The following FBXL18 variants were observed in gnomAD, a reference collection of about 807,000 sequenced individuals.
FBXL18 encodes F-box and leucine rich repeat protein 18, also known as F-box/LRR-repeat protein 18.
In FBXL18, 36 loss-of-function variants were observed where a neutral mutation model predicts 46.0. That is an observed-to-expected ratio of 0.78 (90% CI 0.60 to 1.03). FBXL18 has a LOEUF of 1.03. Among genes scored for constraint, FBXL18 ranks in the 50% least tolerant of loss-of-function variants. The probability of loss-of-function intolerance (pLI) is 0.00; values close to 1 mark genes in which losing one functional copy is unlikely to be tolerated. For synonymous variants in FBXL18, 557 were observed against 465.3 expected, an observed-to-expected ratio of 1.20 and a Z score of -2.54; for missense variants, 977 against 1,004.1, an observed-to-expected ratio of 0.97 and a Z score of 0.36.
intron 4 of FBXL18, among the ~76,000 whole-genome samples, chr7:5,484,810 TG>T (rs1783734038): frequency 6.6e-6 from 1 of 152,034 alleles, no homozygotes; most frequent in African/African-American, 2.4e-5. Context: ...GGCTAATTTT[TG>T]TATCTTTAGT....
chr7:5,458,583 A>T (rs1783203418), intron 4 of FBXL18, among the ~76,000 whole-genome samples: 1 of 151,998 alleles, frequency 6.6e-6, no homozygotes, highest in South Asian at 2.1e-4. Flanking sequence ...CTGTAATCCG[A>T]GCTACTCAAG....
intron 1 of FBXL18, among the ~76,000 whole-genome samples, chr7:5,508,027 G>A (rs1026121796): frequency 6.6e-6 from 1 of 152,096 alleles, no homozygotes; most frequent in Non-Finnish European, 1.5e-5. Context: ...CCAGCACTTT[G>A]GGAGGCCAAG....
chr7:5,486,276 G>A lies in FBXL18; in HGVS notation c.2001-4345C>T, dbSNP rs548689797. ...CAAAAAAAAAAAAAAAAAATGAGCT[G>A]GTTGTGGTGGCACATGCCTCTAATC... On this transcript the variant is annotated intron_variant, in intron 4 of 4. Transcript: ENST00000382368. Among the ~76,000 whole-genome samples, 3 of 143,266 alleles carry A rather than the reference G, an allele frequency of 2.1e-5. No homozygotes were observed. In the South Asian group the frequency reaches 6.6e-4, roughly 32 times the overall value. 94.0% of individuals were successfully genotyped at this position (143,266 alleles called of 152,430 possible).
At chr7:5,511,936 A>T (rs920381363) in intron 1 of FBXL18, among the ~76,000 whole-genome samples, 25 of 151,880 alleles carry the variant, frequency 1.6e-4, no homozygotes, top group Admixed American at 6.6e-5. Flanking sequence ...TTAAAAAGAG[A>T]AATAAAAATA....
rs1297735447 is a variant in FBXL18, at chr7:5,463,731, T to A, written c.2001-15888A>T. Among the ~76,000 whole-genome samples the A allele has an allele frequency of 3.3e-3, 177 of 53,754 alleles. 3 individuals are homozygous for A. The highest frequency in any genetic ancestry group is 0.016 in the African/African-American group (170 of 10,546). The allele number at this position is 53,754 out of a possible 152,430, so 35.3% of individuals were successfully genotyped here. A position where few individuals can be genotyped will look rare whatever the true frequency, so the allele number is the denominator to read the frequency against. On this transcript the variant is annotated intron_variant and NMD_transcript_variant, in intron 4 of 6. Transcript: ENST00000415009. ...TTATTTATTTATTTATTTATTTATT[T>A]TTTTTTTTTTTTTTTTTTTTTTTTT...
rs1784601223 is a variant in FBXL18, at chr7:5,513,705, G to A, written c.-31C>T. 6.3e-7 allele frequency: 1 copy of A among 1,595,918 alleles called. No homozygotes were observed. The highest frequency in any genetic ancestry group is 8.5e-7 in the Non-Finnish European group (1 of 1,171,682). ...CGGCGGGTCCGAACCGCGGCCGCGG[G>A]ATCCGCAACCCCGTGCCTCCCACCT... On this transcript the variant is annotated 5_prime_UTR_variant, in exon 1 of 5. Coordinates refer to ENST00000382368, the MANE Select transcript of FBXL18 (RefSeq NM_024963.6).
chr7:5,500,412 C>T lies in FBXL18; in HGVS notation c.1781+76G>A, dbSNP rs1306780928. 1.1e-5 allele frequency: 15 copies of T among 1,378,222 alleles called. No individual in the cohort carries two copies. The East Asian group carries it at 2.5e-4, about 23-fold the overall frequency. 85.4% of individuals were successfully genotyped at this position (1,378,222 alleles called of 1,614,324 possible). On this transcript the variant is annotated intron_variant, in intron 3 of 4. Coordinates refer to ENST00000382368, the MANE Select transcript of FBXL18 (RefSeq NM_024963.6). Reference sequence around the variant, plus strand: ...CACTCCTGGAGGGCAGGCCAGCCACCGAACTCCACGCGAACGCCCCAGTTC... The same window carrying T: ...CACTCCTGGAGGGCAGGCCAGCCACTGAACTCCACGCGAACGCCCCAGTTC...
At chr7:5,467,235 C>T (rs1414132298) in intron 4 of FBXL18, among the ~76,000 whole-genome samples, 2 of 152,144 alleles carry the variant, frequency 1.3e-5, no homozygotes, top group African/African-American at 2.4e-5. Flanking sequence ...CCTGTAGTCC[C>T]AGCTGCTCGG....
intron 4 of FBXL18, among the ~76,000 whole-genome samples, chr7:5,463,796 A>G (rs1292528673): frequency 3.0e-5 from 4 of 134,530 alleles, no homozygotes. Flanking sequence ...GCTTGAGTGC[A>G]GTAGTGCAGT....
intron 4 of FBXL18, among the ~76,000 whole-genome samples, chr7:5,470,591 A>G (rs754491234): frequency 8.5e-5 from 13 of 152,136 alleles, no homozygotes; most frequent in Non-Finnish European, 1.6e-4. Context: ...AGCCTTCCAC[A>G]GGGCAGGCAG....
intron 4 of FBXL18, among the ~76,000 whole-genome samples, chr7:5,469,898 ATG>A (rs1223237809): frequency 1.3e-5 from 2 of 150,354 alleles, no homozygotes; most frequent in African/African-American, 4.9e-5. Flanking sequence ...GTGCGAGGGC[ATG>A]TGTGTGGGTG....
Position 5,478,037 on chromosome 7 carries a change from G to A in FBXL18, c.*3738C>T, listed in dbSNP as rs1783557097. ...GCCTGTGGCTCTGGGTCCGGACCCA[G>A]GGTGTGGTTGAGGGAGGGCGCTGCT... On this transcript the variant is annotated 3_prime_UTR_variant, in exon 5 of 5. Coordinates refer to ENST00000382368, the MANE Select transcript of FBXL18 (RefSeq NM_024963.6). 1 of 152,394 alleles carries A rather than the reference G, an allele frequency of 6.6e-6. No individual in the cohort carries two copies. Among genetic ancestry groups the A allele is most frequent in the Admixed American group, 6.5e-5 (1 of 15,282 alleles). 9.4% of individuals were successfully genotyped at this position (152,394 alleles called of 1,614,324 possible).
At chr7:5,502,090 T>C in intron 2 of FBXL18, 59 bp from the exon 3 acceptor site, 1 of 1,280,928 alleles carries the variant, frequency 7.8e-7, no homozygotes, top group Admixed American at 2.2e-5. Flanking sequence ...CCTACGGGTC[T>C]CCAACCCTCA....
At position 5,481,658 on chromosome 7, in the gene FBXL18, G is replaced by T; in HGVS notation, c.*117C>A. The T allele has an allele frequency of 9.2e-7, 1 of 1,090,032 alleles. No homozygotes were observed. The highest frequency in any genetic ancestry group is 1.3e-6 in the Non-Finnish European group (1 of 743,462). The allele number at this position is 1,090,032 out of a possible 1,614,324, so 67.5% of individuals were successfully genotyped here. On this transcript the variant is annotated 3_prime_UTR_variant, in exon 5 of 5. Coordinates refer to ENST00000382368, the MANE Select transcript of FBXL18 (RefSeq NM_024963.6). ...CCGGGAGCCCCAGGAGCCAGGTGGG[G>T]CGTGGCTGGCCGGGAGAGAGGCCCC...
chr7:5,466,181 AG>A (rs1361979564), intron 4 of FBXL18, among the ~76,000 whole-genome samples: 1 of 151,742 alleles, frequency 6.6e-6, no homozygotes, highest in Non-Finnish European at 1.5e-5. Flanking sequence ...AAAAAAAAAA[AG>A]AAAAGAAAAG....
chr7:5,495,785 C>G (rs1235601125), intron 3 of FBXL18: 8 of 472,690 alleles, frequency 1.7e-5, no homozygotes, highest in South Asian at 1.1e-4. Flanking sequence ...GTCCGGGCTC[C>G]CTTGCCGCAG....
intron 4 of FBXL18, among the ~76,000 whole-genome samples, chr7:5,488,298 G>A (rs536813748): frequency 2.0e-5 from 3 of 152,230 alleles, no homozygotes; most frequent in Non-Finnish European, 4.4e-5. Flanking sequence ...CTGGCATCCG[G>A]TGCCACGTCC....
chr7:5,501,235 A>T lies in FBXL18; in HGVS notation c.1034T>A (p.Leu345Gln). The T allele has an allele frequency of 6.2e-7, 1 of 1,613,316 alleles. No homozygotes were observed. Among genetic ancestry groups the T allele is most frequent in the Non-Finnish European group, 8.5e-7 (1 of 1,179,844 alleles). Residue 345 changes from leucine to glutamine, a missense_variant, in exon 3 of 5, where the codon CTG (leucine) becomes CAG (glutamine). Leu to Gln is a moderately radical substitution (Grantham distance 113, BLOSUM62 -2). Coordinates refer to ENST00000382368, the MANE Select transcript of FBXL18 (RefSeq NM_024963.6). Reference protein sequence around the residue: ...VINGGKDLRSLASLNLSGCVH... With the variant: ...VINGGKDLRSQASLNLSGCVH... ...GCAGCCGCTGAGGTTCAAGCTGGCC[A>T]GGCTCCGCAGGTCCTTCCCGCCGTT...
chr7:5,467,105 A>C (rs1363958605), intron 4 of FBXL18, among the ~76,000 whole-genome samples: 1 of 152,194 alleles, frequency 6.6e-6, no homozygotes, highest in East Asian at 1.9e-4. Context: ...TAATCCCAGC[A>C]CTTTGGGAGG....
Sources: allele counts gnomAD v4.1 joint callset (sites outside exome capture counted in the v4.1 genomes callset), GRCh38; gene constraint gnomAD v4.1.1; transcripts MANE v1.5; gene names NCBI Gene and HGNC (gene_info 2026-07-23, HGNC 2026-07-21).